Variants in CADPS observed in about 807,000 individuals in gnomAD.
CADPS encodes calcium-dependent secretion activator 1.
CADPS carries 57 observed loss-of-function variants against 167.3 expected under a neutral mutation model. That is an observed-to-expected ratio of 0.34 (90% CI 0.28 to 0.42). The LOEUF (loss-of-function observed/expected upper bound fraction) is 0.42, where lower values mean the gene tolerates loss of function less well. CADPS is among the 20% of genes least tolerant of loss of function. The pLI, the probability that CADPS is intolerant of heterozygous loss-of-function variation, is 1.00. For synonymous variants in CADPS, 676 were observed against 635.3 expected, an observed-to-expected ratio of 1.06 and a Z score of -0.96; for missense variants, 1,414 against 1,738.1, an observed-to-expected ratio of 0.81 and a Z score of 3.32.
chr3:62,585,923 A>G (rs776207315), intron 7 of CADPS, among the ~76,000 whole-genome samples: 1 of 152,220 alleles, frequency 6.6e-6, no homozygotes, highest in African/African-American at 2.4e-5. Flanking sequence ...AGGAAAGCAC[A>G]CATGACTTGA....
At chr3:62,586,737 T>C (rs895048952) in intron 7 of CADPS, among the ~76,000 whole-genome samples, 2 of 152,238 alleles carry the variant, frequency 1.3e-5, no homozygotes, top group African/African-American at 4.8e-5. Flanking sequence ...CATGCCCTAC[T>C]TTAGTACAAT....
chr3:62,445,724 A>G, intron 27 of CADPS, 41 bp downstream of exon 27: 1 of 1,391,064 alleles, frequency 7.2e-7, no homozygotes, highest in South Asian at 1.4e-5. Context: ...AAAAAAAAAA[A>G]AACAAAAAAA....
intron 3 of CADPS, among the ~76,000 whole-genome samples, chr3:62,749,018 C>T (rs1313312257): frequency 6.8e-6 from 1 of 147,126 alleles, no homozygotes; most frequent in African/African-American, 2.7e-5. Context: ...CTTTAGAATT[C>T]AACTCAAATA....
In CADPS at chr3:62,465,470, GA is replaced by G. The variant is rs750984032; in HGVS notation, c.3553-21del. The G allele has an allele frequency of 3.7e-5, 57 of 1,530,016 alleles. No individual in the cohort carries two copies. In the African/African-American group the frequency reaches 6.8e-4, roughly 18 times the overall value. 94.8% of individuals were successfully genotyped at this position (1,530,016 alleles called of 1,614,324 possible). A position where few individuals can be genotyped will look rare whatever the true frequency, so the allele number is the denominator to read the frequency against. ...AACGAACTAGAAAAACAGCAAAAAA[GA>G]AAAAAATGTTATTTCAAACTATAAT... is the stretch of plus-strand genomic sequence containing the variant. On this transcript the variant is annotated intron_variant, in intron 25 of 29. Coordinates refer to ENST00000383710, the MANE Select transcript of CADPS (RefSeq NM_003716.4). This position sits in a 1 kb window ranked among gnomAD's most constrained non-coding sequence, Gnocchi z 4.1.
intron 3 of CADPS, among the ~76,000 whole-genome samples, chr3:62,669,477 G>GT (rs553786134): frequency 1.1e-3 from 170 of 152,302 alleles, no homozygotes; most frequent in African/African-American, 3.8e-3. Flanking sequence ...AACTGTGGCT[G>GT]TTTTTGCCGC....
At chr3:62,627,585 C>A (rs1034081355) in intron 6 of CADPS, among the ~76,000 whole-genome samples, 1 of 152,064 alleles carries the variant, frequency 6.6e-6, no homozygotes, top group African/African-American at 2.4e-5. Flanking sequence ...ATCTGAGAAT[C>A]TTTAAAACAG....
At chr3:62,547,383 C>T (rs1206218060) in intron 11 of CADPS, among the ~76,000 whole-genome samples, 1 of 152,146 alleles carries the variant, frequency 6.6e-6, no homozygotes, top group Non-Finnish European at 1.5e-5. Flanking sequence ...ATTGTAGTGG[C>T]TTGTTCTTTT....
At chr3:62,571,848 G>T (rs879719113) in intron 8 of CADPS, among the ~76,000 whole-genome samples, 3 of 152,180 alleles carry the variant, frequency 2.0e-5, no homozygotes, top group Non-Finnish European at 4.4e-5. Flanking sequence ...ACAGGCGTGA[G>T]CCACCGTGCC....
intron 6 of CADPS, among the ~76,000 whole-genome samples, chr3:62,620,995 C>T (rs2063086871): frequency 6.6e-6 from 1 of 152,134 alleles, no homozygotes; most frequent in African/African-American, 2.4e-5. Context: ...AATGCTCTGG[C>T]AGTCATTTCA....
At position 62,455,795 on chromosome 3, in the gene CADPS, T is replaced by C. The variant is rs543524918; in HGVS notation, c.3636+9572A>G. Among the ~76,000 whole-genome samples, 8 of 152,292 alleles carry C rather than the reference T, an allele frequency of 5.3e-5. No individual in the cohort carries two copies. The highest frequency in any genetic ancestry group is 1.9e-4 in the African/African-American group (8 of 41,576). ...CTTGTGTCCCTGGCTTCCACATGGC[T>C]TTGGTGCTGAGCAAGTGAGGGCTAT... On this transcript the variant is annotated intron_variant, in intron 26 of 29. Coordinates refer to ENST00000383710, the MANE Select transcript of CADPS (RefSeq NM_003716.4). This position sits in a 1 kb window ranked among gnomAD's most constrained non-coding sequence, Gnocchi z 4.4.
intron 27 of CADPS, chr3:62,439,713 C>T (rs1378147482): frequency 6.6e-6 from 1 of 152,200 alleles, no homozygotes; most frequent in Non-Finnish European, 1.5e-5. Flanking sequence ...GTTTCTATTT[C>T]TCCCCTGGTG....
At chr3:62,734,795 T>C (rs1454325153) in intron 3 of CADPS, among the ~76,000 whole-genome samples, 2 of 152,230 alleles carry the variant, frequency 1.3e-5, no homozygotes, top group Non-Finnish European at 2.9e-5. Context: ...TCAAATACGC[T>C]CATTTCTCTT....
intron 1 of CADPS, among the ~76,000 whole-genome samples, chr3:62,767,537 A>C (rs925091102): frequency 9.2e-5 from 14 of 152,222 alleles, no homozygotes; most frequent in African/African-American, 3.4e-4. Context: ...AATAAAGTTT[A>C]AAGCTTTAGG....
intron 3 of CADPS, among the ~76,000 whole-genome samples, chr3:62,671,634 C>G (rs1167477519): frequency 2.0e-5 from 3 of 152,146 alleles, no homozygotes; most frequent in South Asian, 4.1e-4. Flanking sequence ...CCCTCTGATA[C>G]AAAGCAGTTC....
intron 1 of CADPS, chr3:62,779,862 A>T (rs756725178): frequency 4.4e-6 from 1 of 227,212 alleles, no homozygotes; most frequent in Non-Finnish European, 8.8e-6. Flanking sequence ...GAGACAGTAG[A>T]TGGTACAGTG....
chr3:62,477,715 C>T (rs1187720063), intron 23 of CADPS, among the ~76,000 whole-genome samples: 5 of 152,144 alleles, frequency 3.3e-5, no homozygotes, highest in Admixed American at 6.5e-5. Context: ...TCTCATGCCC[C>T]GCTGTTGAAA....
At position 62,536,564 on chromosome 3, in the gene CADPS, T is replaced by C; in HGVS notation, c.1984A>G (p.Lys662Glu). 6.2e-7 allele frequency: 1 copy of C among 1,613,386 alleles called. No homozygotes were observed. Reference sequence around the variant, plus strand: ...GAGATAAATTCATCCATGCCATGTTTTTGAGCTCTATCTGCGTCTGTTCAT... The same window carrying C: ...GAGATAAATTCATCCATGCCATGTTCTTGAGCTCTATCTGCGTCTGTTCAT... ...ISQFYADRAQ[K>E]HGMDEFISSN... Residue 662 changes from lysine to glutamate, a missense_variant, in exon 12 of 30, where the codon AAA (lysine) becomes GAA (glutamate). Physicochemically the swap from Lys to Glu is moderately conservative, Grantham distance 56. This residue lies in a region of CADPS where 529 missense variants were observed against 629.6 expected (regional missense o/e 0.84). Transcript: ENST00000383710.
intron 1 of CADPS, among the ~76,000 whole-genome samples, chr3:62,865,765 T>C (rs528126690): frequency 1.2e-4 from 18 of 152,292 alleles, no homozygotes; most frequent in African/African-American, 4.1e-4. Flanking sequence ...CAATATGCAG[T>C]AGCTCTGTAG....
chr3:62,635,278 C>A (rs2066066002), intron 6 of CADPS, among the ~76,000 whole-genome samples: 1 of 152,100 alleles, frequency 6.6e-6, no homozygotes, highest in African/African-American at 2.4e-5. Context: ...CATGGCAGGG[C>A]AGAACTGGGA....
Sources: gnomAD v4.1 joint callset for allele counts (sites outside exome capture counted in the v4.1 genomes callset) on GRCh38, gnomAD v4.1.1 for gene constraint, gnomAD v4.1.1 regional missense constraint, Gnocchi (gnomAD v3.1) non-coding constraint, MANE v1.5 for transcripts, NCBI Gene and HGNC (gene_info 2026-07-23, HGNC 2026-07-21) for gene names.